WDR35: variants seen among roughly 807,000 people sequenced by gnomAD.
WDR35 encodes WD repeat domain 35, also known as WD repeat-containing protein 35.
A neutral mutation model predicts 158.3 loss-of-function variants in WDR35; 118 were observed. That is an observed-to-expected ratio of 0.75 (90% CI 0.64 to 0.87). The LOEUF is 0.87. Ranked by LOEUF, WDR35 falls within the 40% of genes least tolerant of loss-of-function variation. The pLI, the probability that WDR35 is intolerant of heterozygous loss-of-function variation, is 0.00. For missense variants in WDR35, 1,263 were observed against 1,405.8 expected, an observed-to-expected ratio of 0.90 and a Z score of 1.62; for synonymous variants, 448 against 476.1, an observed-to-expected ratio of 0.94 and a Z score of 0.77.
intron 5 of WDR35, 128 bp from the exon 6 acceptor site, chr2:19,975,791 C>A: frequency 7.9e-7 from 1 of 1,266,488 alleles, no homozygotes; most frequent in Non-Finnish European, 1.1e-6. Flanking sequence ...ATTTATTTGG[C>A]CAATAAATAT....
intron 12 of WDR35, among the ~76,000 whole-genome samples, chr2:19,952,771 A>G (rs1276686376): frequency 6.9e-6 from 1 of 144,520 alleles, no homozygotes; most frequent in Non-Finnish European, 1.5e-5. Flanking sequence ...GAATTCGCAT[A>G]CTCAACATAC....
In WDR35 at chr2:19,974,523, A is replaced by G. The variant is rs143901897; in HGVS notation, c.681T>C (p.Leu227=). Residue 227 remains leucine, a synonymous_variant, in exon 7 of 27, where the codon CTT becomes CTC. Coordinates refer to ENST00000281405, the MANE Select transcript of WDR35 (RefSeq NM_020779.4). ...EGYVEPDCPC[L]AVCFDNGRCQ... ...ATCTTCCATTATCAAAGCAAACAGC[A>G]AGGCAAGGGCAATCAGGCTCCACGT... is the stretch of plus-strand genomic sequence containing the variant. 5.1e-5 allele frequency: 82 copies of G among 1,612,410 alleles called. No individual in the cohort carries two copies. In the African/African-American group the frequency reaches 1.1e-3, roughly 21 times the overall value.
rs906857278 is a variant in WDR35 at position 19,966,750 on chromosome 2, T to C, written c.1168A>G (p.Thr390Ala). ...TGAGGATGATTTTCATCAGCTTTTG[T>C]AGCCAAAATGCAGAAATCTCCACAG... ...TTCGDFCILA[T>A]KADENHPQFV... Residue 390 changes from threonine (T) to alanine (A), a missense_variant, in exon 10 of 27, where the codon ACA (threonine) becomes GCA (alanine). By Grantham distance (58) the Thr-to-Ala change is moderately conservative. Coordinates refer to ENST00000281405, the MANE Select transcript of WDR35 (RefSeq NM_020779.4). 2 of 1,613,946 alleles carry C rather than the reference T, an allele frequency of 1.2e-6. No homozygotes were observed. Among genetic ancestry groups the C allele is most frequent in the East Asian group, 2.2e-5 (1 of 44,834 alleles).
Position 19,912,219 on chromosome 2 carries a change from C to T in WDR35, c.*1339G>A, listed in dbSNP as rs573001242. 3 of 152,278 alleles carry T rather than the reference C, an allele frequency of 2.0e-5. No individual in the cohort carries two copies. Among genetic ancestry groups the T allele is most frequent in the South Asian group, 2.1e-4 (1 of 4,826 alleles). 9.4% of individuals were successfully genotyped at this position (152,278 alleles called of 1,614,324 possible). A position where few individuals can be genotyped will look rare whatever the true frequency, so the allele number is the denominator to read the frequency against. ...GTGTATTGCAAATTGGTTCAATAAACCAATGTATTTTGAGAATTTTTATTT... is the reference window on the plus strand; with the variant it reads ...GTGTATTGCAAATTGGTTCAATAAATCAATGTATTTTGAGAATTTTTATTT... On this transcript the variant is annotated 3_prime_UTR_variant, in exon 27 of 27. Transcript: ENST00000281405.
At chr2:19,959,981 G>A (rs1671583336) in intron 11 of WDR35, among the ~76,000 whole-genome samples, 1 of 151,920 alleles carries the variant, frequency 6.6e-6, no homozygotes. Flanking sequence ...CATAGTTATT[G>A]GGTAGAGGGA....
At chr2:19,986,928 G>C (rs1672583693) in intron 2 of WDR35, among the ~76,000 whole-genome samples, 1 of 152,090 alleles carries the variant, frequency 6.6e-6, no homozygotes, top group Non-Finnish European at 1.5e-5. Context: ...ATTTATCGTA[G>C]AAAGTATTAA....
At chr2:19,920,685 T>C (rs1238036929) in intron 25 of WDR35, among the ~76,000 whole-genome samples, 2 of 152,068 alleles carry the variant, frequency 1.3e-5, no homozygotes, top group Non-Finnish European at 2.9e-5. Context: ...AAGGATGCCC[T>C]CTCCCACCAC....
intron 11 of WDR35, among the ~76,000 whole-genome samples, chr2:19,958,891 C>T (rs1558345532): frequency 6.6e-6 from 1 of 152,050 alleles, no homozygotes; most frequent in East Asian, 1.9e-4. Context: ...CTATAATAAT[C>T]TATAAAGTTC....
chr2:19,919,107 G>A lies in WDR35; in HGVS notation c.3122-4830C>T, dbSNP rs150080038. Among the ~76,000 whole-genome samples, 1,098 of 152,174 alleles carry A rather than the reference G, an allele frequency of 7.2e-3. 12 individuals carry two copies. The highest frequency in any genetic ancestry group is 0.012 in the Non-Finnish European group (784 of 67,980). On this transcript the variant is annotated intron_variant, in intron 25 of 26. Transcript: ENST00000281405. ...ATTAAGAAACTCATCAAGGCCAGGC[G>A]CAGTGGCTCACGCCTGTAATTCCAG...
At chr2:19,946,676 G>T in intron 14 of WDR35, 106 bp from the exon 15 acceptor site, 1 of 1,003,090 alleles carries the variant, frequency 1.0e-6, no homozygotes, top group Non-Finnish European at 1.5e-6. Context: ...CCAAAGTGAT[G>T]TCACAGCAAA....
chr2:19,986,873 T>C (rs1325347177), intron 2 of WDR35, among the ~76,000 whole-genome samples: 2 of 152,240 alleles, frequency 1.3e-5, no homozygotes, highest in Admixed American at 1.3e-4. Flanking sequence ...TAGGAACTTG[T>C]ATAAATGTAC....
chr2:19,942,547 A>AT (rs1448490501), intron 16 of WDR35, among the ~76,000 whole-genome samples: 3 of 149,344 alleles, frequency 2.0e-5, no homozygotes, highest in Non-Finnish European at 3.0e-5. Context: ...TATCATTAGA[A>AT]ATTTTTTTTT....
Position 19,910,792 on chromosome 2 carries a change from T to C in WDR35, c.*2766A>G, listed in dbSNP as rs922147375. The C allele has an allele frequency of 6.6e-6, 1 of 152,186 alleles. No homozygotes were observed. Among genetic ancestry groups the C allele is most frequent in the Non-Finnish European group, 1.5e-5 (1 of 68,030 alleles). 9.4% of individuals were successfully genotyped at this position (152,186 alleles called of 1,614,324 possible). A position where few individuals can be genotyped will look rare whatever the true frequency, so the allele number is the denominator to read the frequency against. On this transcript the variant is annotated 3_prime_UTR_variant, in exon 27 of 27. Coordinates refer to ENST00000281405, the MANE Select transcript of WDR35 (RefSeq NM_020779.4). ...AAACCAACTAGATTGACTCATAATA[T>C]AGGTGTTTTCTCTAGTACCATTTAC...
At chr2:19,943,779 G>C (rs990041192) in intron 16 of WDR35, among the ~76,000 whole-genome samples, 1 of 151,840 alleles carries the variant, frequency 6.6e-6, no homozygotes, top group Non-Finnish European at 1.5e-5. Context: ...GATCAAGCAG[G>C]GAATATCAAC....
chr2:19,959,927 T>A (rs1031224396), intron 11 of WDR35, among the ~76,000 whole-genome samples: 2 of 152,102 alleles, frequency 1.3e-5, no homozygotes, highest in African/African-American at 4.8e-5. Context: ...TGATTTTTAA[T>A]AATCTACTTA....
intron 16 of WDR35, 125 bp from the exon 17 acceptor site, chr2:19,941,964 A>G: frequency 1.5e-6 from 1 of 661,012 alleles, no homozygotes; most frequent in Non-Finnish European, 2.7e-6. Flanking sequence ...ATTAACACCC[A>G]TATACCCATA....
intron 25 of WDR35, among the ~76,000 whole-genome samples, chr2:19,917,579 C>A (rs1017601790): frequency 6.6e-6 from 1 of 152,154 alleles, no homozygotes; most frequent in Non-Finnish European, 1.5e-5. Flanking sequence ...AAACACAGCA[C>A]AAGAACTTCG....
At chr2:19,975,727 C>A in intron 5 of WDR35, 64 bp from the exon 6 acceptor site, 1 of 1,604,062 alleles carries the variant, frequency 6.2e-7, no homozygotes, top group Non-Finnish European at 8.5e-7. Context: ...CTTTCGAAAT[C>A]TTTGTTTTTC....
rs953443288 is a variant in WDR35, at chr2:19,945,939, T to C, written c.1692A>G (p.Arg564=). Residue 564 remains arginine (R), a synonymous_variant, in exon 16 of 27, where the codon CGA becomes CGG. Coordinates refer to ENST00000281405, the MANE Select transcript of WDR35 (RefSeq NM_020779.4). ...GVLTFFDLDA[R]VTDSTGQQVV... ...CTTGCTGTCCCGTACTGTCCGTTAC[T>C]CGAGCATCCAAGTCAAAGAAAGTCA... 8 of 1,613,978 alleles carry C rather than the reference T, an allele frequency of 5.0e-6. No individual in the cohort carries two copies. The highest frequency in any genetic ancestry group is 6.8e-6 in the Non-Finnish European group (8 of 1,179,884).
Sources: allele counts gnomAD v4.1 joint callset (sites outside exome capture counted in the v4.1 genomes callset), GRCh38; gene constraint gnomAD v4.1.1; transcripts MANE v1.5; gene names NCBI Gene and HGNC (gene_info 2026-07-23, HGNC 2026-07-21).